The following CMTR1 variants were observed in gnomAD, a reference collection of about 807,000 sequenced individuals.
CMTR1 encodes the protein cap-specific mRNA (nucleoside-2'-O-)-methyltransferase 1.
A neutral mutation model predicts 107.0 loss-of-function variants in CMTR1; 39 were observed. The ratio of observed to expected loss-of-function variants is 0.36; its 90% CI spans 0.28 to 0.48. The LOEUF (loss-of-function observed/expected upper bound fraction) is 0.48, where lower values mean the gene tolerates loss of function less well. Among genes scored for constraint, CMTR1 ranks in the 20% least tolerant of loss-of-function variants. The pLI is 0.99. For missense variants in CMTR1, 672 were observed against 1,064.9 expected, an observed-to-expected ratio of 0.63 and a Z score of 5.14; for synonymous variants, 366 against 379.5, an observed-to-expected ratio of 0.96 and a Z score of 0.41.
At chr6:37,428,023 A>AGAGAGAGAGAGG in the CMTR1 span, among the ~76,000 whole-genome samples, 6 of 104,608 alleles carry the variant, frequency 5.7e-5, no homozygotes, top group East Asian at 1.3e-3. Context: ...AGAGAGAGAG[A>AGAGAGAGAGAGG]GAGAGAGAGA....
intron 13 of CMTR1, among the ~76,000 whole-genome samples, chr6:37,465,945 T>C (rs1469529132): frequency 1.3e-5 from 2 of 151,740 alleles, no homozygotes; most frequent in Non-Finnish European, 1.5e-5. Flanking sequence ...TTTTCCCCAC[T>C]GCATTGATTG....
chr6:37,432,839 A>G (rs1346223400), upstream of CMTR1, among the ~76,000 whole-genome samples: 1 of 152,202 alleles, frequency 6.6e-6, no homozygotes, highest in Non-Finnish European at 1.5e-5. Flanking sequence ...ATCTGTTGAG[A>G]TGTCCCATAG....
chr6:37,457,908 G>T (rs796998222), intron 8 of CMTR1, among the ~76,000 whole-genome samples: 3 of 152,138 alleles, frequency 2.0e-5, no homozygotes, highest in Non-Finnish European at 2.9e-5. Flanking sequence ...GCTGTGAACA[G>T]ATTACTTTGT....
rs1761344483 is a variant in CMTR1, at chr6:37,458,640, A to C, written c.806A>C (p.Glu269Ala). The change falls in exon 9 of 24, where the codon GAG becomes GCG. Residue 269 changes from glutamate (E) to alanine (A), a missense_variant. By Grantham distance (107) the Glu-to-Ala change is moderately radical (BLOSUM62 -1). Transcript: ENST00000373451. The surrounding 1 kb of genome is among the most constrained non-coding windows in gnomAD (Gnocchi z 4.7). ...CCACTGGTGAAGGACCGGGAAGCTG[A>C]GCTTCTGTACTTTGCTGATGTCTGC... ...GKPLVKDREA[E>A]LLYFADVCAG... 1 of 1,613,576 alleles carries C rather than the reference A, an allele frequency of 6.2e-7. No individual in the cohort carries two copies. The highest frequency in any genetic ancestry group is 1.7e-5 in the Admixed American group (1 of 59,996).
chr6:37,478,553 C>T (rs1761788249), intron 22 of CMTR1, 32 bp downstream of exon 22: 1 of 1,513,400 alleles, frequency 6.6e-7, no homozygotes, highest in Non-Finnish European at 9.2e-7. Context: ...CCGCCATCCC[C>T]TCCCCTCTCC....
chr6:37,428,750 G>T (rs561546586), upstream of CMTR1, among the ~76,000 whole-genome samples: 3 of 152,298 alleles, frequency 2.0e-5, no homozygotes, highest in Admixed American at 6.5e-5. Flanking sequence ...GAGCCACTGT[G>T]CCTGGCCTGT....
chr6:37,429,241 A>T (rs1288541654), upstream of CMTR1, among the ~76,000 whole-genome samples: 1 of 151,944 alleles, frequency 6.6e-6, no homozygotes, highest in Non-Finnish European at 1.5e-5. Flanking sequence ...TTAATTCTAA[A>T]ATTTCCATTC....
intron 4 of CMTR1, among the ~76,000 whole-genome samples, chr6:37,449,620 C>CT (rs1771889773): frequency 6.6e-6 from 1 of 152,138 alleles, no homozygotes; most frequent in African/African-American, 2.4e-5. Context: ...CATCAGTACT[C>CT]TTTAGAAGCA....
chr6:37,461,768 T>C (rs112663817), intron 11 of CMTR1, 123 bp downstream of exon 11: 1 of 827,476 alleles, frequency 1.2e-6, no homozygotes, highest in South Asian at 1.7e-5. Flanking sequence ...GACAGGTAGC[T>C]AAATGAGTAA....
chr6:37,473,110 A>G (rs907149543), intron 16 of CMTR1, among the ~76,000 whole-genome samples: 9 of 152,140 alleles, frequency 5.9e-5, no homozygotes, highest in Admixed American at 1.3e-4. Context: ...GGGTAAAGAG[A>G]TCACTAAACT....
chr6:37,453,969 G>A (rs553851017), intron 8 of CMTR1, among the ~76,000 whole-genome samples: 4 of 152,202 alleles, frequency 2.6e-5, no homozygotes, highest in Non-Finnish European at 4.4e-5. Context: ...CAAGCTTTGC[G>A]TGGGATCATA....
intron 13 of CMTR1, among the ~76,000 whole-genome samples, chr6:37,463,401 A>G (rs1242508829): frequency 6.6e-6 from 1 of 152,198 alleles, no homozygotes; most frequent in African/African-American, 2.4e-5. Context: ...ATGGATGGAA[A>G]GCATGTGTAC....
intron 13 of CMTR1, among the ~76,000 whole-genome samples, chr6:37,467,180 CT>C: frequency 6.6e-6 from 1 of 152,242 alleles, no homozygotes; most frequent in African/African-American, 2.4e-5. Flanking sequence ...AAAAAGGATG[CT>C]TTAGCTGAAT....
chr6:37,437,023 C>T (rs1035615407), intron 2 of CMTR1, among the ~76,000 whole-genome samples: 2 of 152,126 alleles, frequency 1.3e-5, no homozygotes, highest in Non-Finnish European at 2.9e-5. Context: ...AGAAGCTTGA[C>T]AGGTGGTACA....
intron 3 of CMTR1, among the ~76,000 whole-genome samples, chr6:37,445,803 C>A (rs1333713219): frequency 6.6e-6 from 1 of 152,110 alleles, no homozygotes; most frequent in Admixed American, 6.5e-5. Context: ...CCATACCTCA[C>A]TTTTACATGA....
At chr6:37,468,942 G>A (rs140568380) in intron 13 of CMTR1, among the ~76,000 whole-genome samples, 1,558 of 151,890 alleles carry the variant, frequency 0.01, 24 homozygotes, top group African/African-American at 0.035. Flanking sequence ...GGTGGCTCAC[G>A]CCTGTAATCC....
At chr6:37,430,554 C>T (rs1771348107), upstream of CMTR1, among the ~76,000 whole-genome samples, 2 of 151,832 alleles carry the variant, frequency 1.3e-5, no homozygotes, top group Non-Finnish European at 2.9e-5. Flanking sequence ...TCCATTTTAT[C>T]ATTATTTTTC....
intron 20 of CMTR1, 91 bp downstream of exon 20, chr6:37,476,285 A>T: frequency 7.4e-7 from 1 of 1,343,540 alleles, no homozygotes; most frequent in Non-Finnish European, 1.1e-6. Flanking sequence ...AGTGGAGGGC[A>T]CTAGGCAAGT....
chr6:37,475,435 G>T, intron 19 of CMTR1, 23 bp downstream of exon 19: 1 of 1,530,776 alleles, frequency 6.5e-7, no homozygotes, highest in South Asian at 1.1e-5. Context: ...CCCCAGGGTA[G>T]GGAGGGTGGG....
Sources: allele counts gnomAD v4.1 joint callset (sites outside exome capture counted in the v4.1 genomes callset), GRCh38; gene constraint gnomAD v4.1.1; non-coding constraint Gnocchi (gnomAD v3.1); transcripts MANE v1.5; gene names NCBI Gene and HGNC (gene_info 2026-07-23, HGNC 2026-07-21).